ADGRD1: variants seen among roughly 807,000 people sequenced by gnomAD.
The protein encoded by ADGRD1 is adhesion G protein-coupled receptor D1.
In ADGRD1, 77 loss-of-function variants were observed where a neutral mutation model predicts 113.4. That is an observed-to-expected ratio of 0.68 (90% CI 0.57 to 0.82). The LOEUF (loss-of-function observed/expected upper bound fraction) is 0.82. Ranked by LOEUF, ADGRD1 falls within the 40% of genes least tolerant of loss-of-function variation. The pLI, the probability that ADGRD1 is intolerant of heterozygous loss-of-function variation, is 0.00. For missense variants in ADGRD1, 1,036 were observed against 1,139.1 expected, an observed-to-expected ratio of 0.91 and a Z score of 1.30; for synonymous variants, 474 against 475.0, an observed-to-expected ratio of 1.00 and a Z score of 0.03.
At chr12:131,013,484 G>A (rs1010364849) in intron 12 of ADGRD1, among the ~76,000 whole-genome samples, 1 of 152,012 alleles carries the variant, frequency 6.6e-6, no homozygotes, top group East Asian at 1.9e-4. Flanking sequence ...CCCCCACCTC[G>A]CCTTCTGGCA....
At chr12:131,128,632 G>A (rs913493087) in intron 20 of ADGRD1, among the ~76,000 whole-genome samples, 1 of 152,150 alleles carries the variant, frequency 6.6e-6, no homozygotes, top group Non-Finnish European at 1.5e-5. Flanking sequence ...TGCATTCCCT[G>A]GTTTCCACCC....
intron 20 of ADGRD1, among the ~76,000 whole-genome samples, chr12:131,128,927 A>ACGG (rs1566136002): frequency 7.5e-5 from 10 of 132,848 alleles, no homozygotes; most frequent in African/African-American, 2.6e-4. Flanking sequence ...GGTGTGAGTG[A>ACGG]CAGCCCCGCC....
chr12:131,017,988 T>G (rs1028410663), intron 13 of ADGRD1, among the ~76,000 whole-genome samples: 3 of 152,160 alleles, frequency 2.0e-5, no homozygotes. Flanking sequence ...TAGGCACATA[T>G]GTGCACATAC....
rs552353187 is a variant in ADGRD1, at chr12:131,123,039, G to GTTTTTTTTTTTT, written c.2175+2149_2175+2160dup. On this transcript the variant is annotated intron_variant, in intron 20 of 24. Coordinates refer to ENST00000261654, the MANE Select transcript of ADGRD1 (RefSeq NM_198827.5). Reference sequence around the variant, plus strand: ...ATTACATAATTGAATTACCTGGGGAGTTTTTTTTTTTTTTTTTTTTTTTTT... The same window carrying GTTTTTTTTTTTT: ...ATTACATAATTGAATTACCTGGGGAGTTTTTTTTTTTTTTTTTTTTTTTTTTTTTTTTTTTTT... Among the ~76,000 whole-genome samples the GTTTTTTTTTTTT allele has an allele frequency of 6.0e-4, 31 of 51,354 alleles. 1 individual carries two copies. The highest frequency in any genetic ancestry group is 1.0e-3 in the Admixed American group (3 of 2,866). The allele number at this position is 51,354 out of a possible 152,430, so 33.7% of individuals were successfully genotyped here. A position where few individuals can be genotyped will look rare whatever the true frequency, so the allele number is the denominator to read the frequency against.
At chr12:131,055,205 T>G (rs1414768496) in intron 13 of ADGRD1, among the ~76,000 whole-genome samples, 1 of 152,236 alleles carries the variant, frequency 6.6e-6, no homozygotes, top group East Asian at 1.9e-4. Flanking sequence ...CTGGGTTACC[T>G]GATTCTCGGG....
chr12:131,061,104 C>T (rs944733820), intron 13 of ADGRD1, among the ~76,000 whole-genome samples: 2 of 152,144 alleles, frequency 1.3e-5, no homozygotes, highest in African/African-American at 4.8e-5. Flanking sequence ...TGCAGGTCAG[C>T]GGTATAAGTA....
rs572413327 is a variant in ADGRD1, at chr12:131,098,107, T to A, written c.1672-6724T>A. Among the ~76,000 whole-genome samples the A allele has an allele frequency of 1.3e-4, 3 of 23,982 alleles. No homozygotes were observed. In the East Asian group the frequency reaches 0.12, roughly 999 times the overall value. 15.7% of individuals were successfully genotyped at this position (23,982 alleles called of 152,430 possible). A position where few individuals can be genotyped will look rare whatever the true frequency, so the allele number is the denominator to read the frequency against. On this transcript the variant is annotated intron_variant, in intron 15 of 24. Transcript: ENST00000261654. ...TGCTGGTGGCCCGGCCTGGCTCTGC[T>A]GCTGTCCCCTCTCCCACTGTCCTCC...
At chr12:131,090,386 TC>T (rs5801949) in intron 15 of ADGRD1, among the ~76,000 whole-genome samples, 94,665 of 152,010 alleles carry the variant, frequency 0.62, 33,819 homozygotes, top group East Asian at 0.88. Flanking sequence ...GCACTGCTGG[TC>T]TTTGGGTTCC....
At chr12:131,004,023 C>CTTT (rs56871865) in intron 10 of ADGRD1, among the ~76,000 whole-genome samples, 163 bp from the exon 11 acceptor site, 21 of 139,014 alleles carry the variant, frequency 1.5e-4, no homozygotes, top group African/African-American at 5.0e-4. Context: ...TTGCTTTACC[C>CTTT]TTTTTTTTTT....
Position 131,065,782 on chromosome 12 carries a change from CCTCT to C in ADGRD1, c.1474-11014_1474-11011del, listed in dbSNP as rs35190692. ...TATCAGTAGATGAGGGAGAGGTTTG[CCTCT>C]CTCTTCCCCACATAAGGTAGGATAA... is the stretch of plus-strand genomic sequence containing the variant. On this transcript the variant is annotated intron_variant, in intron 13 of 24. Transcript: ENST00000261654. 3.3e-5 allele frequency among the ~76,000 whole-genome samples: 5 copies of C among 152,048 alleles called. 1 individual carries two copies. In the South Asian group the frequency reaches 1.0e-3, roughly 32 times the overall value.
intron 13 of ADGRD1, among the ~76,000 whole-genome samples, chr12:131,030,958 G>A (rs922253387): frequency 4.6e-5 from 7 of 152,226 alleles, no homozygotes; most frequent in African/African-American, 1.4e-4. Context: ...GCAGTGTGTC[G>A]GAGTCTCCTT....
At chr12:131,110,077 C>T (rs1486756686) in intron 18 of ADGRD1, among the ~76,000 whole-genome samples, 1 of 152,228 alleles carries the variant, frequency 6.6e-6, no homozygotes, top group Non-Finnish European at 1.5e-5. Context: ...TTACTTTCCA[C>T]TTATTTGTAT....
Position 131,022,340 on chromosome 12 carries a change from C to A in ADGRD1, c.1473+8000C>A, listed in dbSNP as rs879834755. 2.0e-5 allele frequency among the ~76,000 whole-genome samples: 3 copies of A among 152,168 alleles called. No homozygotes were observed. The highest frequency in any genetic ancestry group is 2.9e-5 in the Non-Finnish European group (2 of 68,034). ...GGGAGATACCGTGAAACTACACAACCTTCCTTCAGCTCATCTTCCTTCATG... is the reference window on the plus strand; with the variant it reads ...GGGAGATACCGTGAAACTACACAACATTCCTTCAGCTCATCTTCCTTCATG... On this transcript the variant is annotated intron_variant, in intron 13 of 24. Coordinates refer to ENST00000261654, the MANE Select transcript of ADGRD1 (RefSeq NM_198827.5). The surrounding 1 kb of genome is among the most constrained non-coding windows in gnomAD (Gnocchi z 4.6).
intron 12 of ADGRD1, among the ~76,000 whole-genome samples, chr12:131,012,178 G>T (rs1878005328): frequency 6.6e-6 from 1 of 152,038 alleles, no homozygotes; most frequent in Non-Finnish European, 1.5e-5. Context: ...AACTTTCTGG[G>T]CAAGTTTATT....
At chr12:131,034,519 C>A (rs1287996967) in intron 13 of ADGRD1, among the ~76,000 whole-genome samples, 1 of 152,040 alleles carries the variant, frequency 6.6e-6, no homozygotes, top group Non-Finnish European at 1.5e-5. Context: ...AAAGTAAACT[C>A]CATGGGGTGG....
chr12:130,973,542 A>G (rs1029731967), intron 4 of ADGRD1, among the ~76,000 whole-genome samples: 10 of 152,080 alleles, frequency 6.6e-5, no homozygotes, highest in African/African-American at 2.4e-4. Flanking sequence ...CTTCTGACAG[A>G]CGGGCCGTTG....
At chr12:131,004,605 G>T (rs1026818660) in intron 11 of ADGRD1, among the ~76,000 whole-genome samples, 1 of 152,066 alleles carries the variant, frequency 6.6e-6, no homozygotes, top group Admixed American at 6.5e-5. Flanking sequence ...CAACCTGCTC[G>T]CCTGGGGAAT....
At chr12:131,121,689 T>A (rs7963230) in intron 20 of ADGRD1, among the ~76,000 whole-genome samples, 34,832 of 152,112 alleles carry the variant, frequency 0.23, 4,964 homozygotes, top group African/African-American at 0.39. Context: ...CCCAACTCAG[T>A]GTTTAAACAC....
In ADGRD1 at chr12:131,113,914, T is replaced by C. The variant is rs1950402904; in HGVS notation, c.2042-4471T>C. ...CAGGGAGGATTTAGAGGCTGACTGA[T>C]GGCCAACTATCTAGAGTTTATTATA... is the stretch of plus-strand genomic sequence containing the variant. On this transcript the variant is annotated intron_variant, in intron 18 of 24. Coordinates refer to ENST00000261654, the MANE Select transcript of ADGRD1 (RefSeq NM_198827.5). This position sits in a 1 kb window ranked among gnomAD's most constrained non-coding sequence, Gnocchi z 4.9. Among the ~76,000 whole-genome samples the C allele has an allele frequency of 6.6e-6, 1 of 152,222 alleles. No individual in the cohort carries two copies. The highest frequency in any genetic ancestry group is 2.4e-5 in the African/African-American group (1 of 41,456).
Sources: allele counts gnomAD v4.1 joint callset (sites outside exome capture counted in the v4.1 genomes callset), GRCh38; gene constraint gnomAD v4.1.1; non-coding constraint Gnocchi (gnomAD v3.1); transcripts MANE v1.5; gene names NCBI Gene and HGNC (gene_info 2026-07-23, HGNC 2026-07-21).